Variants in INTS14 observed in about 807,000 individuals in gnomAD.
The protein encoded by INTS14 is integrator complex subunit 14, also known as UPF0464 protein C15orf44.
INTS14 carries 27 observed loss-of-function variants against 56.9 expected under a neutral mutation model. The ratio of observed to expected loss-of-function variants is 0.47; its 90% confidence interval spans 0.35 to 0.65. INTS14 has a LOEUF of 0.65. Among genes scored for constraint, INTS14 ranks in the 30% least tolerant of loss-of-function variants. The probability of loss-of-function intolerance (pLI) is 0.00; values close to 1 mark genes in which losing one functional copy is unlikely to be tolerated. For synonymous variants in INTS14, 207 were observed against 236.2 expected, an observed-to-expected ratio of 0.88 and a Z score of 1.13; for missense variants, 517 against 632.2, an observed-to-expected ratio of 0.82 and a Z score of 1.95.
intron 9 of INTS14, 41 bp downstream of exon 9, chr15:65,591,557 A>C: frequency 6.2e-7 from 1 of 1,602,548 alleles, no homozygotes; most frequent in Non-Finnish European, 8.5e-7. Flanking sequence ...CAGCAGAATG[A>C]AAACAAAGTC....
Position 65,582,477 on chromosome 15 carries a change from G to A in INTS14, c.1240-458C>T, listed in dbSNP as rs374944815. 7.4e-4 allele frequency among the ~76,000 whole-genome samples: 112 copies of A among 152,166 alleles called. 2 individuals carry two copies. The highest frequency in any genetic ancestry group is 2.5e-3 in the African/African-American group (105 of 41,518). ...AACTATAAAACTCTTAGAAAAAAAC[G>A]GGCCAGGTGCAGTGGTGTGCCCCTG... On this transcript the variant is annotated intron_variant, in intron 10 of 11. Coordinates refer to ENST00000313182, the MANE Select transcript of INTS14 (RefSeq NM_001394796.1).
intron 1 of INTS14, chr15:65,610,835 C>G (rs1410002337): frequency 2.6e-6 from 4 of 1,533,532 alleles, no homozygotes; most frequent in Non-Finnish European, 3.5e-6. Context: ...CTGGAAGTCT[C>G]TCTTGGAAAG....
intron 3 of INTS14, among the ~76,000 whole-genome samples, chr15:65,602,018 C>A (rs1388964493): frequency 6.6e-6 from 1 of 152,052 alleles, no homozygotes; most frequent in African/African-American, 2.4e-5. Flanking sequence ...GAGTTCAAGA[C>A]CAGCCTGGCA....
At chr15:65,579,731 T>G in intron 11 of INTS14, 72 bp from the exon 12 acceptor site, 1 of 1,531,722 alleles carries the variant, frequency 6.5e-7, no homozygotes, top group South Asian at 1.3e-5. Flanking sequence ...GTGCTCAGCT[T>G]AGCATAAGTT....
At chr15:65,599,477 C>T (rs1252787394) in intron 4 of INTS14, 1 of 230,802 alleles carries the variant, frequency 4.3e-6, no homozygotes, top group African/African-American at 2.3e-5. Context: ...GTGGAATGGA[C>T]ATAAGAATTC....
rs1028761188 is a variant in INTS14 at position 65,579,127 on chromosome 15, ATCAG to A, written c.*277_*280del. On this transcript the variant is annotated 3_prime_UTR_variant, in exon 12 of 12. Coordinates refer to ENST00000313182, the MANE Select transcript of INTS14 (RefSeq NM_001394796.1). The stretch of plus-strand genomic sequence containing the variant: ...AGGAAGGCAGGGGTGCTCTATGCTC[ATCAG>A]TCATTCAAGCTTCTCAGGAAATGTG... 14 of 363,350 alleles carry A rather than the reference ATCAG, an allele frequency of 3.9e-5. No homozygotes were observed. Among genetic ancestry groups the A allele is most frequent in the Admixed American group, 1.3e-4 (3 of 23,022 alleles). 22.5% of individuals were successfully genotyped at this position (363,350 alleles called of 1,614,324 possible).
intron 3 of INTS14, among the ~76,000 whole-genome samples, chr15:65,604,077 A>G (rs1486256301): frequency 6.6e-6 from 1 of 152,180 alleles, no homozygotes; most frequent in African/African-American, 2.4e-5. Context: ...GTAAAGAGCA[A>G]CAGACTTTAT....
At chr15:65,596,497 GTCTT>G (rs896340997) in intron 6 of INTS14, among the ~76,000 whole-genome samples, 40 of 152,102 alleles carry the variant, frequency 2.6e-4, no homozygotes, top group Admixed American at 2.4e-3. Flanking sequence ...GTGCTTTTCA[GTCTT>G]TCTTCTAGAT....
At chr15:65,579,682 C>T (rs1300083057) in intron 11 of INTS14, 23 bp from the exon 12 acceptor site, 2 of 1,604,796 alleles carry the variant, frequency 1.2e-6, no homozygotes, top group Non-Finnish European at 1.7e-6. Context: ...AGAAAATCAC[C>T]AATGCTCCTG....
In INTS14 at chr15:65,595,883, C is replaced by T. The variant is rs919711376; in HGVS notation, c.749-58G>A. ...ATTCTATGGAAAAGTACATTATTTT[C>T]CATGTATTACATTTCACAAATGCAC... On this transcript the variant is annotated intron_variant, in intron 6 of 11. Coordinates refer to ENST00000313182, the MANE Select transcript of INTS14 (RefSeq NM_001394796.1). 4 of 1,349,998 alleles carry T rather than the reference C, an allele frequency of 3.0e-6. No homozygotes were observed. The African/African-American group carries it at 6.0e-5, about 20-fold the overall frequency. 83.6% of individuals were successfully genotyped at this position (1,349,998 alleles called of 1,614,324 possible).
At chr15:65,588,883 A>G (rs891660361) in intron 9 of INTS14, among the ~76,000 whole-genome samples, 1 of 152,146 alleles carries the variant, frequency 6.6e-6, no homozygotes, top group Non-Finnish European at 1.5e-5. Context: ...GTGAGAGTTA[A>G]ATGAGATGGT....
At chr15:65,596,471 T>C (rs1053139740) in intron 6 of INTS14, among the ~76,000 whole-genome samples, 18 of 152,214 alleles carry the variant, frequency 1.2e-4, no homozygotes, top group Non-Finnish European at 1.5e-4. Context: ...GAAATCTCTA[T>C]TAATATTTTA....
At chr15:65,581,287 GGA>G (rs1376381098) in intron 11 of INTS14, among the ~76,000 whole-genome samples, 1 of 144,018 alleles carries the variant, frequency 6.9e-6, no homozygotes, top group Non-Finnish European at 1.5e-5. Flanking sequence ...GGCTGAGGCA[GGA>G]GAATTGTTTG....
chr15:65,581,960 G>C lies in INTS14; in HGVS notation c.1299C>G (p.Phe433Leu). ...ARKLPEKTQT[F>L]YKELNRLRKA... ...CCTCTTCTGTCTGTCTCACCTTATAGAATGTCTGTGTTTTTTCAGGTAGTT... is the reference window on the plus strand; with the variant it reads ...CCTCTTCTGTCTGTCTCACCTTATACAATGTCTGTGTTTTTTCAGGTAGTT... Residue 433 changes from phenylalanine to leucine, a missense_variant, in exon 11 of 12, where the codon TTC becomes TTG. Phe to Leu is a conservative substitution (Grantham distance 22, BLOSUM62 0). Coordinates refer to ENST00000313182, the MANE Select transcript of INTS14 (RefSeq NM_001394796.1). The C allele has an allele frequency of 1.9e-6, 3 of 1,613,068 alleles. No individual in the cohort carries two copies. The highest frequency in any genetic ancestry group is 2.5e-6 in the Non-Finnish European group (3 of 1,179,810).
In INTS14 at chr15:65,595,737, G is replaced by A. The variant is rs1485838284; in HGVS notation, c.837C>T (p.Asn279=). 2 of 1,603,818 alleles carry A rather than the reference G, an allele frequency of 1.2e-6. No homozygotes were observed. Among genetic ancestry groups the A allele is most frequent in the South Asian group, 1.1e-5 (1 of 88,878 alleles). ...SRHLVLPIAL[N]KEGDEVGTGI... is the part of the protein sequence containing the mutation. ...ATCAGTGGAATAGGAACTCACCTTT[G>A]TTAAGTGCTATAGGTAAGACCAGAT... Residue 279 remains asparagine, a synonymous_variant, in exon 7 of 12, where the codon AAC becomes AAT. Transcript: ENST00000313182.
chr15:65,582,311 T>C (rs554688623), intron 10 of INTS14, among the ~76,000 whole-genome samples: 1 of 152,246 alleles, frequency 6.6e-6, no homozygotes, highest in East Asian at 1.9e-4. Flanking sequence ...GACGATTCAA[T>C]GGGGAAAAAA....
intron 9 of INTS14, among the ~76,000 whole-genome samples, chr15:65,589,282 T>C (rs1369080482): frequency 6.6e-6 from 1 of 152,148 alleles, no homozygotes; most frequent in Non-Finnish European, 1.5e-5. Flanking sequence ...CTCCGCCCCC[T>C]GAGTAACTGG....
At position 65,578,830 on chromosome 15, in the gene INTS14, A is replaced by G. The variant is rs1391822569; in HGVS notation, c.*578T>C. On this transcript the variant is annotated 3_prime_UTR_variant, in exon 12 of 12. Coordinates refer to ENST00000313182, the MANE Select transcript of INTS14 (RefSeq NM_001394796.1). ...TCATTAAAAAAAAACCTTGAATAAT[A>G]GGAATCATTTTACACATTAATGGTT... 1 of 152,258 alleles carries G rather than the reference A, an allele frequency of 6.6e-6. No homozygotes were observed. The highest frequency in any genetic ancestry group is 1.5e-5 in the Non-Finnish European group (1 of 68,052). 9.4% of individuals were successfully genotyped at this position (152,258 alleles called of 1,614,324 possible).
chr15:65,583,793 G>GT (rs2072717903), intron 10 of INTS14, among the ~76,000 whole-genome samples: 1 of 152,168 alleles, frequency 6.6e-6, no homozygotes, highest in Non-Finnish European at 1.5e-5. Context: ...GGTGAAAGTG[G>GT]TTCTAATATC....
Sources: allele counts gnomAD v4.1 joint callset (sites outside exome capture counted in the v4.1 genomes callset), GRCh38; gene constraint gnomAD v4.1.1; transcripts MANE v1.5; gene names NCBI Gene and HGNC (gene_info 2026-07-23, HGNC 2026-07-21).